Variants in LIMK2 observed in about 807,000 individuals in gnomAD.
LIMK2 encodes the protein LIM domain kinase 2.
In LIMK2, 35 loss-of-function variants were observed where a neutral mutation model predicts 75.7. That is an observed-to-expected ratio of 0.46 (90% confidence interval 0.35 to 0.61). LIMK2 has a LOEUF of 0.61. LIMK2 is among the 20% of genes least tolerant of loss of function. LIMK2 has a pLI of 0.00. For synonymous variants in LIMK2, 301 were observed against 319.2 expected (o/e 0.94, Z 0.61); for missense variants, 623 against 831.0 (o/e 0.75, Z 3.08).
chr22:31,265,110 C>A (rs1344118219), intron 7 of LIMK2, among the ~76,000 whole-genome samples: 1 of 143,474 alleles, frequency 7.0e-6, no homozygotes. Context: ...AGGAGAATCT[C>A]TTGAACCTGG....
intron 15 of LIMK2, chr22:31,275,556 G>T: frequency 2.1e-6 from 1 of 481,862 alleles, no homozygotes. Context: ...TTAAAAGAAG[G>T]AAATTCACCC....
intron 2 of LIMK2, among the ~76,000 whole-genome samples, chr22:31,256,402 G>A (rs1210225470): frequency 1.3e-5 from 2 of 150,862 alleles, no homozygotes; most frequent in African/African-American, 4.9e-5. Context: ...GTGCAGTGGC[G>A]TGATCTCGAC....
intron 2 of LIMK2, among the ~76,000 whole-genome samples, chr22:31,240,212 T>G (rs1053243197): frequency 3.9e-5 from 6 of 152,178 alleles, no homozygotes; most frequent in African/African-American, 1.4e-4. Flanking sequence ...TGTTTTCTTT[T>G]GTGTGTCAGC....
At position 31,259,876 on chromosome 22, in the gene LIMK2, G is replaced by T; in HGVS notation, c.363-13G>T. ...ACTCTAGCATCTTATTCCCCCCTGT[G>T]CCCTCTCCCCAGTGGGAAGTGCCAC... On this transcript the variant is annotated splice_polypyrimidine_tract_variant and intron_variant, in intron 4 of 15. Transcript: ENST00000331728. The T allele has an allele frequency of 6.3e-7, 1 of 1,598,106 alleles. No individual in the cohort carries two copies. Among genetic ancestry groups the T allele is most frequent in the Non-Finnish European group, 8.5e-7 (1 of 1,175,372 alleles).
chr22:31,220,383 G>C (rs1259368414), intron 1 of LIMK2, among the ~76,000 whole-genome samples: 1 of 152,160 alleles, frequency 6.6e-6, no homozygotes, highest in Non-Finnish European at 1.5e-5. Flanking sequence ...TGCTTTTATA[G>C]CTGGCAGTTG....
chr22:31,217,911 T>C (rs183933628), intron 1 of LIMK2, among the ~76,000 whole-genome samples: 1 of 152,330 alleles, frequency 6.6e-6, no homozygotes, highest in Non-Finnish European at 1.5e-5. Context: ...TCACACCCCA[T>C]GAGTACACAC....
At chr22:31,247,972 A>G (rs2048686113) in intron 2 of LIMK2, among the ~76,000 whole-genome samples, 1 of 151,732 alleles carries the variant, frequency 6.6e-6, no homozygotes, top group South Asian at 2.1e-4. Context: ...CAGAGCTAGG[A>G]TGGCTCTCTG....
At chr22:31,259,486 C>T (rs1353469957) in intron 4 of LIMK2, among the ~76,000 whole-genome samples, 11 of 152,254 alleles carry the variant, frequency 7.2e-5, no homozygotes, top group East Asian at 3.9e-4. Context: ...TCTTCAAGGA[C>T]GATCCCAGAA....
Position 31,279,549 on chromosome 22 carries a change from T to C in LIMK2, c.*1108T>C, listed in dbSNP as rs1237653507. On this transcript the variant is annotated 3_prime_UTR_variant, in exon 16 of 16. Transcript: ENST00000331728. ...TGGGCCATCTGACTTCTACCTCCCA[T>C]GTTTGCTCTCCCAACTCATTAGCTC... 1 of 152,206 alleles carries C rather than the reference T, an allele frequency of 6.6e-6. No homozygotes were observed. Among genetic ancestry groups the C allele is most frequent in the African/African-American group, 2.4e-5 (1 of 41,432 alleles). 9.4% of individuals were successfully genotyped at this position (152,206 alleles called of 1,614,324 possible). A position where few individuals can be genotyped will look rare whatever the true frequency, so the allele number is the denominator to read the frequency against.
chr22:31,268,274 G>A, intron 11 of LIMK2, 74 bp downstream of exon 11: 1 of 1,224,204 alleles, frequency 8.2e-7, no homozygotes, highest in Non-Finnish European at 1.2e-6. Flanking sequence ...TTCACTGGAA[G>A]GTAGAGACCC....
At chr22:31,223,975 C>T (rs2048458235) in intron 1 of LIMK2, among the ~76,000 whole-genome samples, 1 of 152,164 alleles carries the variant, frequency 6.6e-6, no homozygotes, top group Admixed American at 6.5e-5. Flanking sequence ...TCTTGAAGTG[C>T]CAGGAGCTGT....
In LIMK2 at chr22:31,258,355, C is replaced by T; in HGVS notation, c.181C>T (p.Pro61Ser). 2 of 1,613,980 alleles carry T rather than the reference C, an allele frequency of 1.2e-6. No homozygotes were observed. The highest frequency in any genetic ancestry group is 1.7e-6 in the Non-Finnish European group (2 of 1,179,890). ...YYEKDGKLYCPKDYWGKFGEF... is the reference protein window; with the variant it reads ...YYEKDGKLYCSKDYWGKFGEF... ...TGAGAAGGATGGGAAGCTCTACTGC[C>T]CCAAGGACTACTGGGGGAAGTTTGG... is the stretch of plus-strand genomic sequence containing the variant. The change falls in exon 3 of 16, where the codon CCC (proline) becomes TCC (serine). Residue 61 changes from proline (P) to serine (S), a missense_variant. Around this residue, in one of 3 missense-constraint regions of LIMK2, gnomAD observed 514 missense variants for 661.3 expected, o/e 0.78. Transcript: ENST00000331728.
chr22:31,273,331 G>C, intron 13 of LIMK2, 121 bp from the exon 14 acceptor site: 3 of 851,894 alleles, frequency 3.5e-6, no homozygotes, highest in Non-Finnish European at 5.8e-6. Context: ...CAGCCTGTGG[G>C]GTGTCCCTAC....
chr22:31,232,201 T>C (rs979744600), intron 2 of LIMK2, among the ~76,000 whole-genome samples: 3 of 146,698 alleles, frequency 2.0e-5, no homozygotes, highest in African/African-American at 7.6e-5. Flanking sequence ...ATATTTGAAC[T>C]CAGGTCTCCC....
chr22:31,254,504 G>C (rs1268088039), intron 2 of LIMK2, among the ~76,000 whole-genome samples: 1 of 152,214 alleles, frequency 6.6e-6, no homozygotes, highest in Non-Finnish European at 1.5e-5. Flanking sequence ...CCAAGAGTAA[G>C]TGGGATGCTG....
At chr22:31,228,021 C>CGTGTGT (rs66641491) in intron 2 of LIMK2, among the ~76,000 whole-genome samples, 338 of 147,620 alleles carry the variant, frequency 2.3e-3, no homozygotes, top group South Asian at 9.4e-3. Flanking sequence ...TCTGTGCGTG[C>CGTGTGT]GTGTGTGTGT....
chr22:31,227,428 G>A (rs529443762), intron 2 of LIMK2, among the ~76,000 whole-genome samples: 21 of 152,322 alleles, frequency 1.4e-4, no homozygotes, highest in African/African-American at 4.8e-4. Context: ...GCCTGGAGAC[G>A]TCTGGCCTCT....
At chr22:31,254,418 CA>C (rs1415711365) in intron 2 of LIMK2, among the ~76,000 whole-genome samples, 2 of 152,216 alleles carry the variant, frequency 1.3e-5, no homozygotes, top group Non-Finnish European at 2.9e-5. Flanking sequence ...TGGTTCTTGC[CA>C]CTCCTACCAT....
chr22:31,276,936 G>C (rs778142900), intron 15 of LIMK2: 2 of 1,613,756 alleles, frequency 1.2e-6, no homozygotes, highest in East Asian at 2.2e-5. Flanking sequence ...AGCAGCTCAC[G>C]CGCCTCTACG....
Sources: allele counts gnomAD v4.1 joint callset (sites outside exome capture counted in the v4.1 genomes callset), GRCh38; gene constraint gnomAD v4.1.1; regional missense constraint gnomAD v4.1.1; transcripts MANE v1.5; gene names NCBI Gene and HGNC (gene_info 2026-07-23, HGNC 2026-07-21).